REPS2: variants seen among roughly 807,000 people sequenced by gnomAD.
REPS2 encodes ralBP1-associated Eps domain-containing protein 2.
Under a neutral mutation model 53.6 loss-of-function variants are expected in REPS2, and 23 were observed. The observed-to-expected ratio is 0.43, with a 90% CI of 0.31 to 0.61. The LOEUF (loss-of-function observed/expected upper bound fraction) is 0.61, where lower values mean the gene tolerates loss of function less well. Among genes scored for constraint, REPS2 ranks in the 20% least tolerant of loss-of-function variants. The pLI, the probability that REPS2 is intolerant of heterozygous loss-of-function variation, is 0.11. For missense variants in REPS2, 446 were observed against 534.9 expected, an observed-to-expected ratio of 0.83 and a Z score of 1.64; for synonymous variants, 238 against 218.6, an observed-to-expected ratio of 1.09 and a Z score of -0.78.
At chrX:16,963,124 A>T (rs1164992053) in intron 1 of REPS2, among the ~76,000 whole-genome samples, 2 of 111,656 alleles carry the variant, frequency 1.8e-5, no homozygotes, top group Non-Finnish European at 3.8e-5. Context: ...ATTAAAAAAT[A>T]GTTGTATGTG....
intron 14 of REPS2, among the ~76,000 whole-genome samples, chrX:17,115,488 G>T (rs1434598731): frequency 1.8e-5 from 2 of 111,331 alleles, no homozygotes; most frequent in Admixed American, 9.5e-5. Context: ...GGAGACAGAT[G>T]CCTTCCTCTT....
Position 17,150,478 on chromosome X carries a change from A to G in REPS2, c.*2997A>G, listed in dbSNP as rs2063559425. 1 of 112,773 alleles carries G rather than the reference A, an allele frequency of 8.9e-6. No homozygotes were observed. Among genetic ancestry groups the G allele is most frequent in the African/African-American group, 3.2e-5 (1 of 31,001 alleles). 9.3% of individuals were successfully genotyped at this position (112,773 alleles called of 1,213,427 possible). ...GGCATATTGCTTTTGCCACTTTCCT[A>G]TCCAGCAGACATCAAAGCAAAACTA... On this transcript the variant is annotated 3_prime_UTR_variant, in exon 18 of 18. Coordinates refer to ENST00000357277, the MANE Select transcript of REPS2 (RefSeq NM_004726.3).
Position 17,125,133 on chromosome X carries a change from G to A in REPS2, c.1579-8691G>A, listed in dbSNP as rs142189858. On this transcript the variant is annotated intron_variant, in intron 14 of 17. Transcript: ENST00000357277. ...CTCCCAAAGTGCTGGGATTACTAGC[G>A]TGAGCCACCATGCCCGGCCAGACTA... Among the ~76,000 whole-genome samples, 517 of 111,008 alleles carry A rather than the reference G, an allele frequency of 4.7e-3. 5 individuals carry two copies. The highest frequency in any genetic ancestry group is 0.015 in the African/African-American group (468 of 30,506).
At chrX:16,956,770 G>A (rs2060603280) in intron 1 of REPS2, among the ~76,000 whole-genome samples, 1 of 112,577 alleles carries the variant, frequency 8.9e-6, no homozygotes, top group Non-Finnish European at 1.9e-5. Context: ...GGAAGGACAA[G>A]GCCCTCTGGA....
intron 1 of REPS2, among the ~76,000 whole-genome samples, chrX:16,987,999 A>G (rs925824162): frequency 9.0e-6 from 1 of 111,607 alleles, no homozygotes; most frequent in African/African-American, 3.3e-5. Flanking sequence ...GAAAAAAAAA[A>G]TGAAACTGGC....
At chrX:16,963,118 A>C (rs1274452371) in intron 1 of REPS2, among the ~76,000 whole-genome samples, 1 of 111,738 alleles carries the variant, frequency 8.9e-6, no homozygotes, top group Non-Finnish European at 1.9e-5. Flanking sequence ...AAAAAGATTA[A>C]AAAATAGTTG....
intron 1 of REPS2, among the ~76,000 whole-genome samples, chrX:17,004,832 T>C (rs973217171): frequency 3.8e-5 from 4 of 104,491 alleles, no homozygotes; most frequent in Non-Finnish European, 7.8e-5. Flanking sequence ...ATATAGTTGT[T>C]ATTTTTTCAC....
the REPS2 span, among the ~76,000 whole-genome samples, chrX:17,193,247 T>C: frequency 8.9e-6 from 1 of 112,537 alleles, no homozygotes; most frequent in Non-Finnish European, 1.9e-5. Context: ...CTTTACACCT[T>C]GTCAGCACTT....
At chrX:17,026,296 T>A (rs1569134080) in intron 4 of REPS2, among the ~76,000 whole-genome samples, 1 of 111,482 alleles carries the variant, frequency 9.0e-6, no homozygotes, top group East Asian at 2.8e-4. Context: ...AATTAAGTCC[T>A]ATGCACATGC....
chrX:17,006,607 G>A (rs1363040472), intron 2 of REPS2, among the ~76,000 whole-genome samples: 1 of 111,358 alleles, frequency 9.0e-6, no homozygotes, highest in Non-Finnish European at 1.9e-5. Flanking sequence ...GAAGAGATTG[G>A]GCCAGGAATT....
intron 5 of REPS2, among the ~76,000 whole-genome samples, chrX:17,044,990 C>T (rs751494453): frequency 9.0e-6 from 1 of 111,607 alleles, no homozygotes; most frequent in Admixed American, 9.5e-5. Context: ...AGTGCAATGG[C>T]GCGATCTCGG....
chrX:17,003,257 T>C (rs17273615), intron 1 of REPS2, among the ~76,000 whole-genome samples: 10,765 of 111,447 alleles, frequency 0.097, 489 homozygotes, highest in East Asian at 0.22. Flanking sequence ...GAACATGCCA[T>C]GTGGAATTGA....
chrX:16,988,617 T>A (rs775902450), intron 1 of REPS2, among the ~76,000 whole-genome samples: 1 of 109,287 alleles, frequency 9.2e-6, no homozygotes, highest in Admixed American at 9.8e-5. Context: ...ACATACCATG[T>A]TCCGGGTTTC....
At chrX:17,189,094 A>T in the REPS2 span, among the ~76,000 whole-genome samples, 1 of 111,396 alleles carries the variant, frequency 9.0e-6, no homozygotes, top group African/African-American at 3.3e-5. Context: ...ATGTTATGAA[A>T]TATAAACATA....
In REPS2 at chrX:17,003,581, C is replaced by T. The variant is rs149101829; in HGVS notation, c.274-2640C>T. Among the ~76,000 whole-genome samples, 83 of 111,380 alleles carry T rather than the reference C, an allele frequency of 7.5e-4. 3 individuals carry two copies. In the East Asian group the frequency reaches 0.02, roughly 27 times the overall value. On this transcript the variant is annotated intron_variant, in intron 1 of 17. Transcript: ENST00000357277. ...GTGAGTCTGGAGACAGGACTTGAAA[C>T]AGTCGAGGCGAGAGCAAAGAATCTG...
intron 14 of REPS2, among the ~76,000 whole-genome samples, chrX:17,122,853 C>CT (rs2063158700): frequency 1.8e-5 from 2 of 112,069 alleles, no homozygotes; most frequent in South Asian, 7.4e-4. Flanking sequence ...TTATCACAGT[C>CT]TAAGTGTGAA....
intron 9 of REPS2, 147 bp from the exon 10 acceptor site, chrX:17,068,255 A>C: frequency 2.9e-6 from 1 of 344,723 alleles, no homozygotes; most frequent in East Asian, 5.6e-5. Context: ...TGGAGCTTGC[A>C]GTGAGCCGAG....
chrX:16,969,402 C>T (rs1201899383), intron 1 of REPS2, among the ~76,000 whole-genome samples: 10 of 87,962 alleles, frequency 1.1e-4, no homozygotes, highest in Admixed American at 2.5e-4. Context: ...TGTAGCGAGC[C>T]GAGATCACGC....
At chrX:17,136,995 T>C (rs1056548322) in intron 16 of REPS2, 2 of 112,939 alleles carry the variant, frequency 1.8e-5, no homozygotes, top group African/African-American at 3.2e-5. Flanking sequence ...CTGAATAATA[T>C]TCCATTGTAT....
Sources: gnomAD v4.1 joint callset for allele counts (sites outside exome capture counted in the v4.1 genomes callset) on GRCh38, gnomAD v4.1.1 for gene constraint, MANE v1.5 for transcripts, NCBI Gene and HGNC (gene_info 2026-07-23, HGNC 2026-07-21) for gene names.